CSMD1: variants seen among roughly 807,000 people sequenced by gnomAD.
The protein encoded by CSMD1 is CUB and Sushi multiple domains 1.
In CSMD1, 213 loss-of-function variants were observed where a neutral mutation model predicts 417.5. The ratio of observed to expected loss-of-function variants is 0.51; its 90% CI spans 0.46 to 0.57. The LOEUF (loss-of-function observed/expected upper bound fraction) is 0.57, where lower values mean the gene tolerates loss of function less well. Among genes scored for constraint, CSMD1 ranks in the 20% least tolerant of loss-of-function variants. CSMD1 has a pLI of 0.00. For missense variants in CSMD1, 6,923 were observed against 4,529.7 expected (o/e 1.53, Z -15.17); for synonymous variants, 2,862 against 1,736.8 (o/e 1.65, Z -16.11).
intron 3 of CSMD1, among the ~76,000 whole-genome samples, chr8:4,375,055 A>T (rs548178902): frequency 3.3e-5 from 5 of 151,412 alleles, no homozygotes; most frequent in African/African-American, 1.2e-4. Flanking sequence ...AGAGGCTGTT[A>T]TAGGTAGAAA....
intron 3 of CSMD1, among the ~76,000 whole-genome samples, chr8:4,370,513 G>C (rs1257921019): frequency 6.6e-6 from 1 of 152,202 alleles, no homozygotes; most frequent in East Asian, 1.9e-4. Flanking sequence ...GATTTCCATG[G>C]ACTATATGTT....
intron 2 of CSMD1, among the ~76,000 whole-genome samples, chr8:4,437,772 C>G (rs1031939890): frequency 3.3e-5 from 5 of 152,210 alleles, no homozygotes; most frequent in South Asian, 2.1e-4. Context: ...AGACAGAGAT[C>G]TTTGAGTTGT....
At chr8:4,415,245 C>T (rs1037246484) in intron 3 of CSMD1, among the ~76,000 whole-genome samples, 1 of 152,144 alleles carries the variant, frequency 6.6e-6, no homozygotes, top group South Asian at 2.1e-4. Context: ...CCTCCATCAA[C>T]TCCGCCTCAC....
intron 7 of CSMD1, among the ~76,000 whole-genome samples, chr8:3,628,811 G>C (rs889955044): frequency 1.3e-5 from 2 of 152,126 alleles, no homozygotes; most frequent in Non-Finnish European, 2.9e-5. Flanking sequence ...ACGTGTCCGA[G>C]CCAAGAACTC....
rs369261565 is a variant in CSMD1, at chr8:4,196,286, A to T, written c.416-164187T>A. On this transcript the variant is annotated intron_variant, in intron 3 of 69. Transcript: ENST00000635120. The stretch of plus-strand genomic sequence containing the variant: ...CCACTCTTTTGTGGTCATTGAGTTT[A>T]CAGAGCGCTCATTTGTTCTATCGCT... Among the ~76,000 whole-genome samples, 8 of 152,306 alleles carry T rather than the reference A, an allele frequency of 5.3e-5. No homozygotes were observed. In the East Asian group the frequency reaches 9.6e-4, roughly 18 times the overall value.
intron 23 of CSMD1, among the ~76,000 whole-genome samples, chr8:3,310,111 AG>A (rs1448663662): frequency 3.9e-5 from 6 of 152,208 alleles, no homozygotes; most frequent in Admixed American, 2.0e-4. Flanking sequence ...AAGGGGAGGT[AG>A]AAATTAGGGG....
At chr8:4,542,978 G>A (rs1007484454) in intron 2 of CSMD1, among the ~76,000 whole-genome samples, 2 of 152,108 alleles carry the variant, frequency 1.3e-5, no homozygotes, top group Admixed American at 6.5e-5. Flanking sequence ...TTTATAACCA[G>A]TGTTTTACAA....
At position 4,008,600 on chromosome 8, in the gene CSMD1, C is replaced by CTTTTTTTTTTT. The variant is rs1161117794; in HGVS notation, c.611-10501_611-10491dup. On this transcript the variant is annotated intron_variant, in intron 4 of 69. Transcript: ENST00000635120. ...GATTCAGTATTTTCTTTCTTTTTTT[C>CTTTTTTTTTTT]TTTTTTTTTTTTTTTTTTTTTTTTT... is the stretch of plus-strand genomic sequence containing the variant. Among the ~76,000 whole-genome samples, 129 of 80,470 alleles carry CTTTTTTTTTTT rather than the reference C, an allele frequency of 1.6e-3. 1 individual carries two copies. The highest frequency in any genetic ancestry group is 3.7e-3 in the African/African-American group (71 of 18,958). The allele number at this position is 80,470 out of a possible 152,430, so 52.8% of individuals were successfully genotyped here. A position where few individuals can be genotyped will look rare whatever the true frequency, so the allele number is the denominator to read the frequency against.
intron 7 of CSMD1, among the ~76,000 whole-genome samples, chr8:3,695,100 G>GTGTGTGTGTGTGTC (rs1800474220): frequency 6.7e-6 from 1 of 149,266 alleles, no homozygotes; most frequent in Non-Finnish European, 1.5e-5. Flanking sequence ...GTGTGTGTGT[G>GTGTGTGTGTGTGTC]TGTGTGTGTG....
chr8:2,974,600 AC>A lies in CSMD1; in HGVS notation c.8590del (p.Val2864SerfsTer29). ...CLAISCGHPG[V>X]PANAVLTGEL... is the part of the protein sequence containing the mutation. ...TCCAGTGAGGACGGCGTTGGCAGGGACCCCTGGGTGTCCACACGATATAGCT... is the reference window on the plus strand; with the variant it reads ...TCCAGTGAGGACGGCGTTGGCAGGGACCCTGGGTGTCCACACGATATAGCT... On this transcript the variant is annotated frameshift_variant, in exon 56 of 70. Transcript: ENST00000635120. LOFTEE classifies it high-confidence loss of function. The A allele has an allele frequency of 6.2e-7, 1 of 1,609,168 alleles. No individual in the cohort carries two copies. The highest frequency in any genetic ancestry group is 8.5e-7 in the Non-Finnish European group (1 of 1,177,704).
intron 5 of CSMD1, among the ~76,000 whole-genome samples, chr8:3,927,875 C>T (rs1809856978): frequency 6.6e-6 from 1 of 152,004 alleles, no homozygotes; most frequent in African/African-American, 2.4e-5. Context: ...CATAAACATT[C>T]TTAATATGAG....
intron 10 of CSMD1, among the ~76,000 whole-genome samples, chr8:3,544,165 T>A (rs1056396743): frequency 1.3e-5 from 2 of 152,084 alleles, no homozygotes; most frequent in Non-Finnish European, 2.9e-5. Flanking sequence ...GAAAGTTATG[T>A]ATTCCTAGCC....
At position 4,441,061 on chromosome 8, in the gene CSMD1, T is replaced by A. The variant is rs180763017; in HGVS notation, c.303-20996A>T. ...TCTATTATCATTTTAAAATATAAAC[T>A]TTTTTCCTAATAATTTGACTCGTTA... On this transcript the variant is annotated intron_variant, in intron 2 of 69. Coordinates refer to ENST00000635120, the MANE Select transcript of CSMD1 (RefSeq NM_033225.6). 4.1e-5 allele frequency among the ~76,000 whole-genome samples: 6 copies of A among 147,890 alleles called. No individual in the cohort carries two copies. The East Asian group carries it at 8.0e-4, about 20-fold the overall frequency.
intron 2 of CSMD1, among the ~76,000 whole-genome samples, chr8:4,583,638 C>G (rs778270699): frequency 7.9e-5 from 12 of 152,146 alleles, no homozygotes; most frequent in African/African-American, 1.9e-4. Context: ...CTTGGAGAAC[C>G]TTTGTGTCCA....
intron 2 of CSMD1, among the ~76,000 whole-genome samples, chr8:4,530,844 T>C (rs1196870067): frequency 1.3e-5 from 2 of 151,972 alleles, no homozygotes; most frequent in African/African-American, 2.4e-5. Context: ...CGCTTTCTTT[T>C]CCTTATTTCC....
chr8:4,697,835 A>G (rs1468380166), intron 1 of CSMD1, among the ~76,000 whole-genome samples: 5 of 152,238 alleles, frequency 3.3e-5, no homozygotes, highest in Non-Finnish European at 7.3e-5. Context: ...CCATAATTTC[A>G]AAATTAGTAA....
At chr8:3,131,512 C>G (rs1817791912) in intron 41 of CSMD1, among the ~76,000 whole-genome samples, 1 of 146,746 alleles carries the variant, frequency 6.8e-6, no homozygotes, top group Admixed American at 6.8e-5. Context: ...CACTCTATTG[C>G]TCAGGCTAAA....
chr8:4,808,328 C>T (rs1798704950), intron 1 of CSMD1, among the ~76,000 whole-genome samples: 1 of 152,130 alleles, frequency 6.6e-6, no homozygotes, highest in Non-Finnish European at 1.5e-5. Flanking sequence ...ATCTATCTTT[C>T]CACCACCCCT....
At chr8:4,139,883 G>C (rs897557738) in intron 3 of CSMD1, among the ~76,000 whole-genome samples, 1 of 150,922 alleles carries the variant, frequency 6.6e-6, no homozygotes, top group Non-Finnish European at 1.5e-5. Flanking sequence ...ATGTTCATCA[G>C]AAGCAAGGGT....
Sources: allele counts gnomAD v4.1 joint callset (sites outside exome capture counted in the v4.1 genomes callset), GRCh38; gene constraint gnomAD v4.1.1; transcripts MANE v1.5; gene names NCBI Gene and HGNC (gene_info 2026-07-23, HGNC 2026-07-21).